The following IRS2 variants were observed in gnomAD, a reference collection of about 807,000 sequenced individuals.
IRS2 encodes the protein insulin receptor substrate 2.
Under a neutral mutation model 70.9 loss-of-function variants are expected in IRS2, and 28 were observed. The observed-to-expected ratio is 0.39, with a 90% CI of 0.29 to 0.54. The LOEUF (loss-of-function observed/expected upper bound fraction) is 0.54. Ranked by LOEUF, IRS2 falls within the 20% of genes least tolerant of loss-of-function variation. The pLI is 0.59. For missense variants in IRS2, 2,081 were observed against 2,024.1 expected, an observed-to-expected ratio of 1.03 and a Z score of -0.54; for synonymous variants, 1,217 against 981.9, an observed-to-expected ratio of 1.24 and a Z score of -4.48.
chr13:109,784,743 G>C lies in IRS2; in HGVS notation c.1311C>G (p.His437Gln), dbSNP rs1002420021. The part of the protein sequence containing the change: ...HSRSMSMPVA[H>Q]SPPAATSPGS... Reference sequence around the variant, plus strand: ...CGGGGCTGGTGGCGGCGGGCGGCGAGTGCGCCACGGGCATGGACATGGAGC... The same window carrying C: ...CGGGGCTGGTGGCGGCGGGCGGCGACTGCGCCACGGGCATGGACATGGAGC... Residue 437 changes from histidine to glutamine, a missense_variant, in exon 1 of 2, where the codon CAC becomes CAG. Transcript: ENST00000375856. The surrounding 1 kb of genome is among the most constrained non-coding windows in gnomAD (Gnocchi z 5.2). 1.6e-6 allele frequency: 2 copies of C among 1,231,202 alleles called. No homozygotes were observed. The highest frequency in any genetic ancestry group is 1.6e-5 in the African/African-American group (1 of 63,294). The allele number at this position is 1,231,202 out of a possible 1,614,324, so 76.3% of individuals were successfully genotyped here. A position where few individuals can be genotyped will look rare whatever the true frequency, so the allele number is the denominator to read the frequency against.
intron 1 of IRS2, among the ~76,000 whole-genome samples, chr13:109,776,758 T>C (rs1877588420): frequency 6.6e-6 from 1 of 152,240 alleles, no homozygotes; most frequent in South Asian, 2.1e-4. Flanking sequence ...TGCCAAATGA[T>C]GACTTTACTA....
chr13:109,757,286 T>G (rs1162231010), intron 1 of IRS2, among the ~76,000 whole-genome samples: 1 of 152,220 alleles, frequency 6.6e-6, no homozygotes, highest in Non-Finnish European at 1.5e-5. Flanking sequence ...AACATGAGGG[T>G]GAGCACCGCT....
chr13:109,772,316 T>C (rs1422658073), intron 1 of IRS2, among the ~76,000 whole-genome samples: 1 of 152,150 alleles, frequency 6.6e-6, no homozygotes, highest in East Asian at 1.9e-4. Context: ...CACCCAAACC[T>C]TGCTGGGGAA....
intron 1 of IRS2, among the ~76,000 whole-genome samples, chr13:109,764,826 A>G (rs1877301302): frequency 6.6e-6 from 1 of 152,282 alleles, no homozygotes; most frequent in African/African-American, 2.4e-5. Context: ...AATGCACAAA[A>G]ACAATGGCAA....
In IRS2 at chr13:109,755,227, C is replaced by CTTTTTTTTTTTTTTTTTTTTTTTTT. The variant is rs1877077894; in HGVS notation, c.*1076_*1077insAAAAAAAAAAAAAAAAAAAAAAAAA. 7.7e-6 allele frequency: 1 copy of CTTTTTTTTTTTTTTTTTTTTTTTTT among 129,804 alleles called. No homozygotes were observed. The highest frequency in any genetic ancestry group is 1.4e-5 in the Non-Finnish European group (1 of 69,102). The allele number at this position is 129,804 out of a possible 1,614,324, so 8.0% of individuals were successfully genotyped here. On this transcript the variant is annotated 3_prime_UTR_variant, in exon 2 of 2. Coordinates refer to ENST00000375856, the MANE Select transcript of IRS2 (RefSeq NM_003749.3). Reference sequence around the variant, plus strand: ...TTTCTTTCTTTCCTTTTTTTTTTTTCTTTTTGTTTTTTTTGTTCAGGGCAG... The same window carrying CTTTTTTTTTTTTTTTTTTTTTTTTT: ...TTTCTTTCTTTCCTTTTTTTTTTTTCTTTTTTTTTTTTTTTTTTTTTTTTTTTTTTGTTTTTTTTGTTCAGGGCAG...
In IRS2 at chr13:109,785,384, G is replaced by T. The variant is rs767604875; in HGVS notation, c.670C>A (p.Arg224Ser). 1.2e-6 allele frequency: 2 copies of T among 1,612,396 alleles called. No homozygotes were observed. The highest frequency in any genetic ancestry group is 2.7e-5 in the African/African-American group (2 of 74,930). Residue 224 changes from arginine (R) to serine (S), a missense_variant, in exon 1 of 2, where the codon CGC becomes AGC. Physicochemically the swap from Arg to Ser is moderately radical, Grantham distance 110. Transcript: ENST00000375856. This position sits in a 1 kb window ranked among gnomAD's most constrained non-coding sequence, Gnocchi z 9.3. ...TGVYRLCLSA[R>S]TIGFVKLNCE... ...TTGAGCTTCACGAAGCCGATGGTGC[G>T]CGCAGACAGGCACAGACGGTACACC...
In IRS2 at chr13:109,785,571, C is replaced by T. The variant is rs1450059726; in HGVS notation, c.483G>A (p.Ala161=). ...CGCCGGGCAGGGAGGCGCTGCAGGA[C>T]GCGGCGGGCGCGGCGGCGGGGGGCG... ...GDAPPAAAPA[A]SCSASLPGAL... The change falls in exon 1 of 2, where the codon GCG becomes GCA. Residue 161 remains alanine, a synonymous_variant. Coordinates refer to ENST00000375856, the MANE Select transcript of IRS2 (RefSeq NM_003749.3). The surrounding 1 kb of genome is among the most constrained non-coding windows in gnomAD (Gnocchi z 9.3). The T allele has an allele frequency of 7.7e-6, 10 of 1,293,824 alleles. No individual in the cohort carries two copies. Among genetic ancestry groups the T allele is most frequent in the South Asian group, 4.8e-5 (2 of 41,848 alleles). 80.1% of individuals were successfully genotyped at this position (1,293,824 alleles called of 1,614,324 possible). A position where few individuals can be genotyped will look rare whatever the true frequency, so the allele number is the denominator to read the frequency against.
rs1201315383 is a variant in IRS2, at chr13:109,784,584, G to C, written c.1470C>G (p.Gly490=). ...ACATGAAGCCGGGGTCGCTGGGGGA[G>C]CCCGAGGCGGAGGCGCTGCCGCTGG... ...RPSSGSASAS[G]SPSDPGFMSL... The change falls in exon 1 of 2, where the codon GGC becomes GGG. Residue 490 remains glycine, a synonymous_variant. Transcript: ENST00000375856. The surrounding 1 kb of genome is among the most constrained non-coding windows in gnomAD (Gnocchi z 5.2). The C allele has an allele frequency of 5.1e-6, 7 of 1,373,136 alleles. No homozygotes were observed. The East Asian group carries it at 1.8e-4, about 35-fold the overall frequency. 85.1% of individuals were successfully genotyped at this position (1,373,136 alleles called of 1,614,324 possible).
chr13:109,783,265 C>T lies in IRS2; in HGVS notation c.2789G>A (p.Arg930His), dbSNP rs1240327417. The T allele has an allele frequency of 6.9e-6, 10 of 1,445,604 alleles. No homozygotes were observed. The South Asian group carries it at 1.3e-4, about 19-fold the overall frequency. 89.5% of individuals were successfully genotyped at this position (1,445,604 alleles called of 1,614,324 possible). The change falls in exon 1 of 2, where the codon CGC becomes CAC. Residue 930 changes from arginine to histidine, a missense_variant. By Grantham distance (29) the Arg-to-His change is conservative (BLOSUM62 0). Transcript: ENST00000375856. Reference sequence around the variant, plus strand: ...CAGGGGAGGCGCGGGCGGCGACAGGCGGGCCCCGGGCTCGCCAAAGTCGAT... The same window carrying T: ...CAGGGGAGGCGCGGGCGGCGACAGGTGGGCCCCGGGCTCGCCAAAGTCGAT... Reference protein sequence around the residue: ...INIDFGEPGARLSPPAPPLLA... With the variant: ...INIDFGEPGAHLSPPAPPLLA...
In IRS2 at chr13:109,785,898, T is replaced by G. The variant is rs2138939546; in HGVS notation, c.156A>C (p.Gly52=). The G allele has an allele frequency of 1.3e-6, 2 of 1,494,506 alleles. No homozygotes were observed. The highest frequency in any genetic ancestry group is 1.8e-6 in the Non-Finnish European group (2 of 1,129,708). 92.6% of individuals were successfully genotyped at this position (1,494,506 alleles called of 1,614,324 possible). The change falls in exon 1 of 2, where the codon GGA becomes GGC. Residue 52 remains glycine, a synonymous_variant. Transcript: ENST00000375856. The surrounding 1 kb of genome is among the most constrained non-coding windows in gnomAD (Gnocchi z 9.3). ...TCGCCTCGTCGCCGCCCGCGCCGGG[T>G]CCGCGCAGCACGAAGAAGCGCTTGT... ...HGHKRFFVLR[G]PGAGGDEATA...
At position 109,784,384 on chromosome 13, in the gene IRS2, C is replaced by T. The variant is rs2138935606; in HGVS notation, c.1670G>A (p.Arg557His). The T allele has an allele frequency of 6.2e-7, 1 of 1,610,284 alleles. No homozygotes were observed. The part of the protein sequence containing the change: ...RPLSHCGRSY[R>H]RVSGDAAQDL... ...CTGGGCCGCGTCCCCCGAGACCCGG[C>T]GGTAGGAGCGGCCACAGTGGCTCAG... The change falls in exon 1 of 2, where the codon CGC becomes CAC. Residue 557 changes from arginine (R) to histidine (H), a missense_variant. By Grantham distance (29) the Arg-to-His change is conservative (BLOSUM62 0). Coordinates refer to ENST00000375856, the MANE Select transcript of IRS2 (RefSeq NM_003749.3). This position sits in a 1 kb window ranked among gnomAD's most constrained non-coding sequence, Gnocchi z 5.2.
intron 1 of IRS2, among the ~76,000 whole-genome samples, chr13:109,773,246 T>A (rs888594507): frequency 6.6e-6 from 1 of 152,162 alleles, no homozygotes; most frequent in Non-Finnish European, 1.5e-5. Flanking sequence ...AAATACTCAA[T>A]TCCCCAGAAG....
rs1877832183 is a variant in IRS2, at chr13:109,784,122, G to A, written c.1932C>T (p.Ser644=). 6.3e-7 allele frequency: 1 copy of A among 1,594,894 alleles called. No individual in the cohort carries two copies. The highest frequency in any genetic ancestry group is 8.5e-7 in the Non-Finnish European group (1 of 1,177,520). The stretch of plus-strand genomic sequence containing the variant: ...AGCCGTCGTCTGCCCCCAGGTTGCT[G>A]CTGGAGCTCCTGTGGGAGCCGATCT... ...DIEIGSHRSS[S]SNLGADDGYM... Residue 644 remains serine, a synonymous_variant, in exon 1 of 2, where the codon AGC becomes AGT. Transcript: ENST00000375856. The surrounding 1 kb of genome is among the most constrained non-coding windows in gnomAD (Gnocchi z 5.2).
intron 1 of IRS2, among the ~76,000 whole-genome samples, chr13:109,775,784 A>ACACACG (rs1446414768): frequency 1.3e-5 from 2 of 151,204 alleles, no homozygotes; most frequent in Non-Finnish European, 3.0e-5. Flanking sequence ...ACACACACAC[A>ACACACG]CACACACACA....
chr13:109,754,824 T>C lies in IRS2; in HGVS notation c.*1480A>G, dbSNP rs1877067375. On this transcript the variant is annotated 3_prime_UTR_variant, in exon 2 of 2. Transcript: ENST00000375856. ...ATTCTATAGCGATAGATATCTATTA[T>C]ATATTTATATATATTTTTCTAAAAA... The C allele has an allele frequency of 5.2e-6, 1 of 191,510 alleles. No homozygotes were observed. The highest frequency in any genetic ancestry group is 1.9e-4 in the South Asian group (1 of 5,182). The allele number at this position is 191,510 out of a possible 1,614,324, so 11.9% of individuals were successfully genotyped here.
At chr13:109,773,764 T>C (rs1877510690) in intron 1 of IRS2, among the ~76,000 whole-genome samples, 1 of 152,244 alleles carries the variant, frequency 6.6e-6, no homozygotes, top group South Asian at 2.1e-4. Context: ...TTTTAGTCTA[T>C]GGATGAAGAA....
intron 1 of IRS2, among the ~76,000 whole-genome samples, chr13:109,761,268 G>A (rs1236487310): frequency 6.6e-6 from 1 of 152,234 alleles, no homozygotes; most frequent in African/African-American, 2.4e-5. Context: ...CATGGAGTAG[G>A]TAAAGATGCT....
At chr13:109,767,069 G>A (rs1877351568) in intron 1 of IRS2, among the ~76,000 whole-genome samples, 1 of 152,210 alleles carries the variant, frequency 6.6e-6, no homozygotes, top group East Asian at 1.9e-4. Flanking sequence ...AAATGCTTTG[G>A]TCAGGGACAT....
intron 1 of IRS2, among the ~76,000 whole-genome samples, chr13:109,757,108 C>T (rs145852520): frequency 9.9e-5 from 15 of 152,206 alleles, no homozygotes; most frequent in African/African-American, 3.6e-4. Flanking sequence ...AATTCTTTAA[C>T]CTTTCTCAAT....
Sources: allele counts gnomAD v4.1 joint callset (sites outside exome capture counted in the v4.1 genomes callset), GRCh38; gene constraint gnomAD v4.1.1; non-coding constraint Gnocchi (gnomAD v3.1); transcripts MANE v1.5; gene names NCBI Gene and HGNC (gene_info 2026-07-23, HGNC 2026-07-21).